The following GSN variants were observed in gnomAD, a reference collection of about 807,000 sequenced individuals.
The protein encoded by GSN is actin-depolymerizing factor.
Under a neutral mutation model 85.7 loss-of-function variants are expected in GSN, and 56 were observed. The observed-to-expected ratio is 0.65, with a 90% CI of 0.53 to 0.82. The LOEUF (loss-of-function observed/expected upper bound fraction) is 0.82. GSN is among the 40% of genes least tolerant of loss of function. The probability of loss-of-function intolerance (pLI) is 0.00; values close to 1 mark genes in which losing one functional copy is unlikely to be tolerated. For missense variants in GSN, 857 were observed against 979.8 expected (o/e 0.87, Z 1.67); for synonymous variants, 373 against 399.1 (o/e 0.93, Z 0.78).
chr9:121,310,942 G>T, intron 5 of GSN, 97 bp downstream of exon 5: 1 of 1,111,372 alleles, frequency 9.0e-7, no homozygotes, highest in South Asian at 1.3e-5. Flanking sequence ...ATAGATGCAG[G>T]TGGGCAAACC....
chr9:121,329,343 T>G lies in GSN; in HGVS notation c.1965+28T>G. 2 of 1,340,132 alleles carry G rather than the reference T, an allele frequency of 1.5e-6. No individual in the cohort carries two copies. Among genetic ancestry groups the G allele is most frequent in the Non-Finnish European group, 2.2e-6 (2 of 929,750 alleles). 83.0% of individuals were successfully genotyped at this position (1,340,132 alleles called of 1,614,324 possible). ...GGGTGAAGGACAGGTGAAGGCTCTC[T>G]GTGCCAGAGGGAGTGGGAGAAACTA... is the stretch of plus-strand genomic sequence containing the variant. On this transcript the variant is annotated intron_variant, in intron 16 of 17. Transcript: ENST00000432226. The surrounding 1 kb of genome is among the most constrained non-coding windows in gnomAD (Gnocchi z 4.6).
chr9:121,329,166 CAG>C lies in GSN; in HGVS notation c.1888-71_1888-70del, dbSNP rs2063604093. On this transcript the variant is annotated intron_variant, in intron 15 of 17. Transcript: ENST00000432226. The surrounding 1 kb of genome is among the most constrained non-coding windows in gnomAD (Gnocchi z 4.6). Reference sequence around the variant, plus strand: ...GCTGCAGCCAGCTGTGCCACTCCCTCAGGGGGCAGATAAAGGAAGGCCACCCA... The same window carrying C: ...GCTGCAGCCAGCTGTGCCACTCCCTCGGGGCAGATAAAGGAAGGCCACCCA... 4.8e-6 allele frequency: 7 copies of C among 1,460,344 alleles called. No individual in the cohort carries two copies. The highest frequency in any genetic ancestry group is 1.4e-5 in the African/African-American group (1 of 72,040). The allele number at this position is 1,460,344 out of a possible 1,614,324, so 90.5% of individuals were successfully genotyped here.
chr9:121,224,310 A>G (rs190451814), intron 4 of GSN, among the ~76,000 whole-genome samples: 78 of 151,744 alleles, frequency 5.1e-4, no homozygotes, highest in Admixed American at 2.6e-3. Flanking sequence ...TGTGTTAGCC[A>G]GGATGGTCTC....
At chr9:121,277,202 G>A (rs2056788251) in intron 1 of GSN, among the ~76,000 whole-genome samples, 1 of 152,204 alleles carries the variant, frequency 6.6e-6, no homozygotes, top group Non-Finnish European at 1.5e-5. Flanking sequence ...CATGTGTTAG[G>A]TCAGAGACTT....
chr9:121,247,153 G>A (rs904013139), intron 5 of GSN, among the ~76,000 whole-genome samples: 3 of 152,180 alleles, frequency 2.0e-5, no homozygotes, highest in Non-Finnish European at 2.9e-5. Flanking sequence ...AGGAAGACTC[G>A]GTTCCCGGCT....
intron 4 of GSN, among the ~76,000 whole-genome samples, chr9:121,215,728 C>G (rs538641611): frequency 6.6e-6 from 1 of 151,184 alleles, no homozygotes; most frequent in South Asian, 2.1e-4. Flanking sequence ...TAAGAGCTCT[C>G]CAATTTACTA....
At chr9:121,286,077 T>G (rs1398876753) in intron 2 of GSN, 1 of 1,530,182 alleles carries the variant, frequency 6.5e-7, no homozygotes, top group African/African-American at 1.4e-5. Context: ...TGAGTCCTAT[T>G]TATAGGCTGA....
In GSN at chr9:121,318,894, G is replaced by C. The variant is rs377308627; in HGVS notation, c.1191+14G>C. 2 of 1,591,958 alleles carry C rather than the reference G, an allele frequency of 1.3e-6. No homozygotes were observed. The highest frequency in any genetic ancestry group is 2.2e-5 in the East Asian group (1 of 44,788). On this transcript the variant is annotated intron_variant, in intron 10 of 17. Transcript: ENST00000432226. This position sits in a 1 kb window ranked among gnomAD's most constrained non-coding sequence, Gnocchi z 4.3. ...GGCCAGAAACAGGTACGTTTAGGGC[G>C]TGGGGTGGGTGTGTCCAGGCCCCTC...
intron 2 of GSN, among the ~76,000 whole-genome samples, chr9:121,294,877 T>C (rs532921925): frequency 6.6e-6 from 1 of 152,284 alleles, no homozygotes; most frequent in East Asian, 1.9e-4. Flanking sequence ...TGCTAATAAG[T>C]CCTGCTCTGA....
rs1303860156 is a variant in GSN, at chr9:121,221,278, TAAAA to T, written c.-527-9882_-527-9879del. On this transcript the variant is annotated intron_variant, in intron 4 of 24. Coordinates refer to the GSN transcript ENST00000373823. The stretch of plus-strand genomic sequence containing the variant: ...TCCCCTGACCATGTTCTTCCCAAAA[TAAAA>T]AAAAGAGCAGCCAGTTTTTCCTTCA... 8.6e-5 allele frequency among the ~76,000 whole-genome samples: 13 copies of T among 151,980 alleles called. No individual in the cohort carries two copies. In the East Asian group the frequency reaches 2.5e-3, roughly 29 times the overall value.
At chr9:121,248,089 G>A (rs2054739238) in intron 5 of GSN, among the ~76,000 whole-genome samples, 1 of 152,160 alleles carries the variant, frequency 6.6e-6, no homozygotes. Context: ...TATAAAGGAG[G>A]AGACTGAGTC....
chr9:121,254,705 T>C (rs899991137), intron 6 of GSN, among the ~76,000 whole-genome samples: 2 of 152,248 alleles, frequency 1.3e-5, no homozygotes, highest in South Asian at 4.1e-4. Flanking sequence ...GCAATATGTT[T>C]GTGTCTCCAC....
At chr9:121,313,437 G>A (rs866778148) in intron 6 of GSN, 1 of 230,932 alleles carries the variant, frequency 4.3e-6, no homozygotes, top group African/African-American at 2.3e-5. Context: ...GGGAGGGACA[G>A]TGGGAGTGAA....
rs139122856 is a variant in GSN, at chr9:121,302,520, C to T, written c.196+353C>T. Among the ~76,000 whole-genome samples, 575 of 152,258 alleles carry T rather than the reference C, an allele frequency of 3.8e-3. 6 individuals carry two copies. The highest frequency in any genetic ancestry group is 0.013 in the African/African-American group (550 of 41,544). On this transcript the variant is annotated intron_variant, in intron 3 of 17. Transcript: ENST00000432226. ...GGACCTCTCCACAACTTCCCTGGCC[C>T]AGCTCCAGGCACTCCCCAGTTTGCC...
chr9:121,329,995 C>A lies in GSN; in HGVS notation c.1965+680C>A, dbSNP rs1024059095. 1.3e-5 allele frequency among the ~76,000 whole-genome samples: 2 copies of A among 152,142 alleles called. No homozygotes were observed. The highest frequency in any genetic ancestry group is 4.8e-5 in the African/African-American group (2 of 41,418). On this transcript the variant is annotated intron_variant, in intron 16 of 17. Coordinates refer to ENST00000432226, the MANE Select transcript of GSN (RefSeq NM_198252.3). The surrounding 1 kb of genome is among the most constrained non-coding windows in gnomAD (Gnocchi z 4.6). ...GTCCTCAGAGTTACGGAGCAGCTGG[C>A]CACGAAGGCATAAGACTCTACACTA... is the stretch of plus-strand genomic sequence containing the variant.
At chr9:121,313,708 G>A (rs554901670) in intron 6 of GSN, 4 of 601,696 alleles carry the variant, frequency 6.6e-6, no homozygotes, top group Admixed American at 5.3e-5. Context: ...CAGAGGAGCA[G>A]GAGTGTTCTC....
At chr9:121,321,183 A>G (rs938219389) in intron 10 of GSN, 85 bp from the exon 11 acceptor site, 64 of 1,454,412 alleles carry the variant, frequency 4.4e-5, no homozygotes, top group Non-Finnish European at 5.8e-5. Flanking sequence ...CCTAACCACA[A>G]CCTACCACAC....
At chr9:121,227,539 C>T (rs1443548050) in intron 4 of GSN, among the ~76,000 whole-genome samples, 1 of 152,048 alleles carries the variant, frequency 6.6e-6, no homozygotes, top group Non-Finnish European at 1.5e-5. Context: ...AGATGATAAC[C>T]TACTACTTGC....
chr9:121,316,620 G>A (rs554141435), intron 7 of GSN, among the ~76,000 whole-genome samples: 5 of 152,160 alleles, frequency 3.3e-5, no homozygotes, highest in East Asian at 1.9e-4. Context: ...ACAAGCAAGC[G>A]CCACCACACC....
Sources: gnomAD v4.1 joint callset for allele counts (sites outside exome capture counted in the v4.1 genomes callset) on GRCh38, gnomAD v4.1.1 for gene constraint, Gnocchi (gnomAD v3.1) non-coding constraint, MANE v1.5 for transcripts, NCBI Gene and HGNC (gene_info 2026-07-23, HGNC 2026-07-21) for gene names.